The following RP1 variants were observed in gnomAD, a reference collection of about 807,000 sequenced individuals.
The protein encoded by RP1 is RP1 axonemal microtubule associated.
Under a neutral mutation model 14.8 loss-of-function variants are expected in RP1, and 16 were observed. That is an observed-to-expected ratio of 1.08 (90% CI 0.73 to 1.65). The LOEUF is 1.65. Ranked by LOEUF, RP1 falls within the 40% of genes most tolerant of loss-of-function variation. The probability of loss-of-function intolerance (pLI) is 0.00; values close to 1 mark genes in which losing one functional copy is unlikely to be tolerated. For synonymous variants in RP1, 876 were observed against 883.6 expected (o/e 0.99, Z 0.15); for missense variants, 2,631 against 2,535.0 (o/e 1.04, Z -0.81).
chr8:54,728,515 T>C (rs1277239742), intron 17 of RP1, among the ~76,000 whole-genome samples: 1 of 152,184 alleles, frequency 6.6e-6, no homozygotes, highest in Non-Finnish European at 1.5e-5. Context: ...GGGCAAGATG[T>C]ATAGTTTTGG....
intron 19 of RP1, among the ~76,000 whole-genome samples, chr8:54,752,050 T>C (rs1207424399): frequency 6.6e-6 from 1 of 152,216 alleles, no homozygotes; most frequent in Admixed American, 6.5e-5. Context: ...TGTTGAAGTT[T>C]TAGGTAGTAT....
Position 54,627,182 on chromosome 8 carries a change from G to A in RP1, c.3300G>A (p.Lys1100=), listed in dbSNP as rs1433154481. The change falls in exon 4 of 4, where the codon AAG becomes AAA. Residue 1100 remains lysine (K), a synonymous_variant. Transcript: ENST00000220676. ...AAGCTTCAGTTCCTGGTATTCACAA[G>A]ACTCAGAATGGAGTTGTTCAAATGC... ...QLQASVPGIH[K]TQNGVVQMPG... is the part of the protein sequence containing the mutation. 1 of 1,614,026 alleles carries A rather than the reference G, an allele frequency of 6.2e-7. No individual in the cohort carries two copies. The highest frequency in any genetic ancestry group is 2.2e-5 in the East Asian group (1 of 44,878).
chr8:54,600,253 G>C (rs1437379853), intron 1 of RP1, among the ~76,000 whole-genome samples: 1 of 152,198 alleles, frequency 6.6e-6, no homozygotes. Flanking sequence ...CTGCCATAAT[G>C]TAAGAAGTCC....
At position 54,825,188 on chromosome 8, in the gene RP1, C is replaced by T. The variant is rs184122797; in HGVS notation, c.3616-12262C>T. On this transcript the variant is annotated intron_variant, in intron 24 of 28. Coordinates refer to the RP1 transcript ENST00000637698. The stretch of plus-strand genomic sequence containing the variant: ...GTTAGCCAGGGTGGTCTTGATCTCC[C>T]GACCTCGTGATCCATCCACCTCGGC... 5.0e-3 allele frequency among the ~76,000 whole-genome samples: 765 copies of T among 152,096 alleles called. 7 individuals carry two copies. Among genetic ancestry groups the T allele is most frequent in the Non-Finnish European group, 2.9e-3 (199 of 67,990 alleles).
At chr8:54,772,849 A>AT (rs1809943328), downstream of RP1, among the ~76,000 whole-genome samples, 1 of 152,108 alleles carries the variant, frequency 6.6e-6, no homozygotes, top group African/African-American at 2.4e-5. Context: ...TTGTTGTGTT[A>AT]TTTTTTTAAC....
intron 15 of RP1, among the ~76,000 whole-genome samples, chr8:54,719,074 T>A (rs1808475065): frequency 6.6e-6 from 1 of 152,178 alleles, no homozygotes; most frequent in Non-Finnish European, 1.5e-5. Context: ...TGCAACAAAC[T>A]GAAGCTGCTT....
At chr8:54,710,535 T>G (rs977573762) in intron 15 of RP1, among the ~76,000 whole-genome samples, 2 of 152,164 alleles carry the variant, frequency 1.3e-5, no homozygotes, top group African/African-American at 4.8e-5. Flanking sequence ...TGACAGCCTT[T>G]TTGGCTACCC....
At chr8:54,593,643 A>G (rs1805084990) in intron 1 of RP1, among the ~76,000 whole-genome samples, 2 of 152,176 alleles carry the variant, frequency 1.3e-5, no homozygotes, top group African/African-American at 4.8e-5. Context: ...AGGGAACAGG[A>G]AAGACCAGGA....
At chr8:54,813,225 C>G (rs990552396) in intron 24 of RP1, among the ~76,000 whole-genome samples, 3 of 152,228 alleles carry the variant, frequency 2.0e-5, no homozygotes, top group Non-Finnish European at 4.4e-5. Flanking sequence ...ACTTTTCACT[C>G]TCCTTTATCT....
Position 54,581,847 on chromosome 8 carries a change from G to A in RP1, c.-13+22527G>A, listed in dbSNP as rs1036940214. The stretch of plus-strand genomic sequence containing the variant: ...TCATATCCTTTGCCCACTTGTTGAT[G>A]GGGTTGTTTTTTTCTTGTACATTTG... On this transcript the variant is annotated intron_variant, in intron 1 of 22. Transcript: ENST00000636932. Among the ~76,000 whole-genome samples the A allele has an allele frequency of 2.2e-4, 33 of 152,188 alleles. No homozygotes were observed. In the Middle Eastern group the frequency reaches 0.01, roughly 47 times the overall value.
chr8:54,759,075 A>G (rs771667201), exon 22 of RP1: 6 of 1,533,928 alleles, frequency 3.9e-6, no homozygotes, highest in Non-Finnish European at 5.2e-6. Flanking sequence ...TACCTGTCAA[A>G]GGTAATGCTG....
intron 12 of RP1, among the ~76,000 whole-genome samples, chr8:54,691,230 T>C (rs1011317195): frequency 3.3e-5 from 5 of 151,968 alleles, no homozygotes; most frequent in African/African-American, 1.2e-4. Flanking sequence ...AGTACTTCAG[T>C]GGGAATATTG....
chr8:54,659,838 C>T (rs1474586148), intron 6 of RP1, among the ~76,000 whole-genome samples: 3 of 152,088 alleles, frequency 2.0e-5, no homozygotes, highest in Non-Finnish European at 4.4e-5. Flanking sequence ...AATATTAAGT[C>T]TTCTAACCTA....
intron 24 of RP1, among the ~76,000 whole-genome samples, chr8:54,801,317 A>G (rs1042696208): frequency 6.6e-6 from 1 of 152,156 alleles, no homozygotes; most frequent in Non-Finnish European, 1.5e-5. Context: ...ACGTTCTCAG[A>G]TGTTCTGATT....
intron 4 of RP1, among the ~76,000 whole-genome samples, chr8:54,652,391 A>G (rs973212892): frequency 4.6e-5 from 7 of 152,082 alleles, no homozygotes; most frequent in African/African-American, 1.4e-4. Flanking sequence ...GTTGCATTAC[A>G]TATGTTCTAT....
chr8:54,614,805 T>C (rs1805677543), upstream of RP1, among the ~76,000 whole-genome samples: 1 of 152,186 alleles, frequency 6.6e-6, no homozygotes, highest in Non-Finnish European at 1.5e-5. Context: ...CTGGCCCACC[T>C]TTGATAAGTG....
At chr8:54,762,374 G>C (rs1156765813) in intron 22 of RP1, among the ~76,000 whole-genome samples, 1 of 152,122 alleles carries the variant, frequency 6.6e-6, no homozygotes, top group East Asian at 1.9e-4. Context: ...CATCACAGAG[G>C]CTGCCTGCGA....
intron 12 of RP1, among the ~76,000 whole-genome samples, chr8:54,692,694 T>C (rs1211835408): frequency 6.9e-6 from 1 of 144,102 alleles, no homozygotes; most frequent in Admixed American, 7.0e-5. Context: ...TTTGTTTGAG[T>C]TCATTGTAGA....
intron 24 of RP1, chr8:54,783,832 G>C: frequency 1.7e-6 from 1 of 581,466 alleles, no homozygotes; most frequent in Non-Finnish European, 2.5e-6. Context: ...AATTTGCTTG[G>C]TGTATGTGGC....
Sources: allele counts gnomAD v4.1 joint callset (sites outside exome capture counted in the v4.1 genomes callset), GRCh38; gene constraint gnomAD v4.1.1; transcripts MANE v1.5; gene names NCBI Gene and HGNC (gene_info 2026-07-23, HGNC 2026-07-21).